The following FAF1 variants were observed in gnomAD, a reference collection of about 807,000 sequenced individuals.
The protein encoded by FAF1 is FAS-associated factor 1.
A neutral mutation model predicts 92.5 loss-of-function variants in FAF1; 25 were observed. That is an observed-to-expected ratio of 0.27 (90% CI 0.20 to 0.38). The LOEUF (loss-of-function observed/expected upper bound fraction) is 0.38, where lower values mean the gene tolerates loss of function less well. Ranked by LOEUF, FAF1 falls within the 10% of genes least tolerant of loss-of-function variation. FAF1 has a pLI of 1.00. For missense variants in FAF1, 636 were observed against 793.3 expected, an observed-to-expected ratio of 0.80 and a Z score of 2.38; for synonymous variants, 234 against 273.2, an observed-to-expected ratio of 0.86 and a Z score of 1.42.
rs367969392 is a variant in FAF1, at chr1:50,890,196, T to C, written c.46-32199A>G. Among the ~76,000 whole-genome samples the C allele has an allele frequency of 5.4e-3, 830 of 152,356 alleles. 3 individuals are homozygous for C. The highest frequency in any genetic ancestry group is 0.017 in the Middle Eastern group (5 of 294). ...CTAGGATTGCAACCCCTGCCTTTTT[T>C]TGCTTTCCATTTGCTTGGTAGATCT... On this transcript the variant is annotated intron_variant, in intron 1 of 18. Transcript: ENST00000396153.
intron 2 of FAF1, among the ~76,000 whole-genome samples, chr1:50,857,106 T>G (rs541104630): frequency 7.8e-4 from 119 of 151,914 alleles, no homozygotes; most frequent in Non-Finnish European, 1.2e-3. Flanking sequence ...GCATCATTAC[T>G]TTTAATCTGA....
At chr1:50,520,385 C>T (rs11205726) in intron 15 of FAF1, among the ~76,000 whole-genome samples, 21,212 of 152,072 alleles carry the variant, frequency 0.14, 2,560 homozygotes, top group African/African-American at 0.33. Flanking sequence ...ACTGAGTATC[C>T]TTCTCTGTAT....
chr1:50,928,782 C>CAAAAAAAAAAAAAAAAA lies in FAF1; in HGVS notation c.45+30968_45+30984dup, dbSNP rs1157426126. Among the ~76,000 whole-genome samples the CAAAAAAAAAAAAAAAAA allele has an allele frequency of 1.8e-3, 73 of 39,710 alleles. 1 individual carries two copies. Among genetic ancestry groups the CAAAAAAAAAAAAAAAAA allele is most frequent in the Non-Finnish European group, 2.7e-3 (51 of 19,132 alleles). 26.1% of individuals were successfully genotyped at this position (39,710 alleles called of 152,430 possible). ...CAGGCAACAGTGCGAGACTCCACCT[C>CAAAAAAAAAAAAAAAAA]AAAAAAAAAAAAAAAAAAAACTAGG... is the stretch of plus-strand genomic sequence containing the variant. On this transcript the variant is annotated intron_variant, in intron 1 of 18. Transcript: ENST00000396153.
intron 7 of FAF1, among the ~76,000 whole-genome samples, chr1:50,696,167 A>G (rs1245734696): frequency 1.3e-5 from 2 of 152,112 alleles, no homozygotes; most frequent in Admixed American, 6.5e-5. Context: ...CTCTCATTCC[A>G]TAGTGTAATC....
intron 7 of FAF1, among the ~76,000 whole-genome samples, chr1:50,678,193 T>C (rs1656223931): frequency 6.6e-6 from 1 of 152,202 alleles, no homozygotes; most frequent in Admixed American, 6.5e-5. Context: ...CCAGTCTCTA[T>C]ACACTTGCCT....
intron 18 of FAF1, among the ~76,000 whole-genome samples, chr1:50,472,829 C>G (rs1487932959): frequency 6.6e-6 from 1 of 152,184 alleles, no homozygotes; most frequent in Admixed American, 6.5e-5. Context: ...CTAATCCTTG[C>G]AGACACAGAT....
Position 50,739,130 on chromosome 1 carries a change from T to C in FAF1, c.460-176A>G, listed in dbSNP as rs371637922. Among the ~76,000 whole-genome samples the C allele has an allele frequency of 2.5e-4, 38 of 152,072 alleles. 1 individual carries two copies. In the South Asian group the frequency reaches 7.5e-3, roughly 30 times the overall value. ...TCCAAGTAACCTTATTGCCCATATA[T>C]ATAATATATACATATATAGGGGAAA... On this transcript the variant is annotated intron_variant, in intron 5 of 18. Coordinates refer to ENST00000396153, the MANE Select transcript of FAF1 (RefSeq NM_007051.3).
chr1:50,758,305 C>T (rs1263284660), intron 4 of FAF1, among the ~76,000 whole-genome samples: 1 of 152,118 alleles, frequency 6.6e-6, no homozygotes, highest in Non-Finnish European at 1.5e-5. Flanking sequence ...CCACCTGCCT[C>T]GGCCTCCCAA....
At chr1:50,563,036 C>T (rs530393767) in intron 13 of FAF1, among the ~76,000 whole-genome samples, 11 of 152,022 alleles carry the variant, frequency 7.2e-5, no homozygotes, top group Non-Finnish European at 1.2e-4. Context: ...AATCTAGAGA[C>T]GACTCAAAGT....
intron 8 of FAF1, among the ~76,000 whole-genome samples, chr1:50,640,497 T>C (rs1654273351): frequency 6.6e-6 from 1 of 151,990 alleles, no homozygotes; most frequent in Admixed American, 6.6e-5. Flanking sequence ...GGTTTCACCG[T>C]GTTAGCCAGG....
At chr1:50,946,097 T>A (rs919749056) in intron 1 of FAF1, among the ~76,000 whole-genome samples, 1 of 152,246 alleles carries the variant, frequency 6.6e-6, no homozygotes, top group African/African-American at 2.4e-5. Flanking sequence ...TAAGACATTA[T>A]GCACTCCATC....
chr1:50,588,896 T>C (rs774526053), intron 9 of FAF1, among the ~76,000 whole-genome samples: 1 of 152,188 alleles, frequency 6.6e-6, no homozygotes, highest in Non-Finnish European at 1.5e-5. Context: ...CTGGGGTAAG[T>C]GCTGGAGACA....
intron 12 of FAF1, among the ~76,000 whole-genome samples, chr1:50,569,917 T>C (rs1234100258): frequency 6.6e-6 from 1 of 151,932 alleles, no homozygotes; most frequent in Admixed American, 6.6e-5. Flanking sequence ...ATGCACAATA[T>C]CAAGCAATAA....
At chr1:50,830,288 T>C (rs1424324238) in intron 2 of FAF1, among the ~76,000 whole-genome samples, 1 of 152,174 alleles carries the variant, frequency 6.6e-6, no homozygotes, top group East Asian at 1.9e-4. Context: ...CAACTAATTT[T>C]TGGTAGAGAT....
chr1:50,882,454 T>C (rs1230255197), intron 1 of FAF1, among the ~76,000 whole-genome samples: 4 of 151,122 alleles, frequency 2.6e-5, no homozygotes, highest in Admixed American at 6.6e-5. Context: ...ATTAAAAAAT[T>C]AGCCAGGCAT....
intron 7 of FAF1, among the ~76,000 whole-genome samples, chr1:50,693,392 C>G (rs926926491): frequency 6.6e-6 from 1 of 152,124 alleles, no homozygotes; most frequent in Non-Finnish European, 1.5e-5. Flanking sequence ...GTGCACTGAT[C>G]TATCTGTCTG....
intron 4 of FAF1, among the ~76,000 whole-genome samples, chr1:50,778,363 T>C (rs556576771): frequency 1.3e-5 from 2 of 152,222 alleles, no homozygotes; most frequent in African/African-American, 4.8e-5. Context: ...ATTTAATATT[T>C]ACATATAATT....
At chr1:50,841,153 G>T (rs1644252457) in intron 2 of FAF1, among the ~76,000 whole-genome samples, 1 of 152,002 alleles carries the variant, frequency 6.6e-6, no homozygotes, top group South Asian at 2.1e-4. Flanking sequence ...GTAAGAAAAA[G>T]ATTTAAAAGA....
chr1:50,535,171 CA>C (rs1648407430), intron 15 of FAF1, among the ~76,000 whole-genome samples, 197 bp downstream of exon 15: 1 of 152,066 alleles, frequency 6.6e-6, no homozygotes, highest in South Asian at 2.1e-4. Flanking sequence ...TAAATTAAAA[CA>C]AATTATTGGG....
Sources: allele counts gnomAD v4.1 joint callset (sites outside exome capture counted in the v4.1 genomes callset), GRCh38; gene constraint gnomAD v4.1.1; transcripts MANE v1.5; gene names NCBI Gene and HGNC (gene_info 2026-07-23, HGNC 2026-07-21).